Variants in GRIN3B observed in about 807,000 individuals in gnomAD.
GRIN3B encodes the protein glutamate receptor ionotropic, NMDA 3B.
Under a neutral mutation model 66.0 loss-of-function variants are expected in GRIN3B, and 77 were observed. The ratio of observed to expected loss-of-function variants is 1.17; its 90% CI spans 0.97 to 1.41. The LOEUF is 1.41. Ranked by LOEUF, GRIN3B falls within the 40% of genes most tolerant of loss-of-function variation. The pLI, the probability that GRIN3B is intolerant of heterozygous loss-of-function variation, is 0.00. For missense variants in GRIN3B, 1,787 were observed against 1,564.5 expected (o/e 1.14, Z -2.40); for synonymous variants, 823 against 749.7 (o/e 1.10, Z -1.60).
chr19:1,008,937 G>A lies in GRIN3B; in HGVS notation c.2702+10G>A. On this transcript the variant is annotated intron_variant, in intron 8 of 8. Transcript: ENST00000234389. The stretch of plus-strand genomic sequence containing the variant: ...CAGAGGCGGAGCCCAGGTAAGTGGT[G>A]GTCGGGGCGGACCACGATGCAGGAC... The A allele has an allele frequency of 6.3e-7, 1 of 1,599,080 alleles. No homozygotes were observed. Among genetic ancestry groups the A allele is most frequent in the Non-Finnish European group, 8.5e-7 (1 of 1,173,956 alleles).
Position 1,003,489 on chromosome 19 carries a change from A to G in GRIN3B, c.786A>G (p.Thr262=), listed in dbSNP as rs1227281752. Residue 262 remains threonine (T), a synonymous_variant, in exon 2 of 9, where the codon ACA becomes ACG. Transcript: ENST00000234389. ...VPPGPHWLLG[T]PLPPKALPTA... ...CCGGCCCCCACTGGCTGTTGGGGAC[A>G]CCACTGCCGCCCAAGGCCCTGCCCA... 1 of 1,536,966 alleles carries G rather than the reference A, an allele frequency of 6.5e-7. No individual in the cohort carries two copies. Among genetic ancestry groups the G allele is most frequent in the Non-Finnish European group, 8.7e-7 (1 of 1,146,466 alleles).
At position 1,004,966 on chromosome 19, in the gene GRIN3B, G is replaced by A. The variant is rs752584001; in HGVS notation, c.1465G>A (p.Glu489Lys). The A allele has an allele frequency of 2.5e-6, 4 of 1,611,592 alleles. No individual in the cohort carries two copies. Among genetic ancestry groups the A allele is most frequent in the Non-Finnish European group, 3.4e-6 (4 of 1,179,594 alleles). The change falls in exon 3 of 9, where the codon GAG becomes AAG. Residue 489 changes from glutamate (E) to lysine (K), a missense_variant. By Grantham distance (56) the Glu-to-Lys change is moderately conservative. Transcript: ENST00000234389. Reference sequence around the variant, plus strand: ...CATTGACCTGCTGGAGCGGCTGGCGGAGGACACGCCCTTCGACTTCGAGCT... The same window carrying A: ...CATTGACCTGCTGGAGCGGCTGGCGAAGGACACGCCCTTCGACTTCGAGCT... The part of the protein sequence containing the change: ...YCIDLLERLA[E>K]DTPFDFELYL...
rs577021345 is a variant in GRIN3B, at chr19:1,001,837, C to G, written c.426+974C>G. 5.0e-3 allele frequency among the ~76,000 whole-genome samples: 767 copies of G among 152,262 alleles called. 4 individuals are homozygous for G. The highest frequency in any genetic ancestry group is 0.017 in the African/African-American group (717 of 41,560). The stretch of plus-strand genomic sequence containing the variant: ...CCCAAACCCAGGCCTGGGGCGCCCT[C>G]TGCTGCCGTCTCCAGGAGCTGCACC... On this transcript the variant is annotated intron_variant, in intron 1 of 8. Transcript: ENST00000234389.
At chr19:1,003,809 AG>A in intron 2 of GRIN3B, 87 bp downstream of exon 2, 1 of 1,050,342 alleles carries the variant, frequency 9.5e-7, no homozygotes, top group Non-Finnish European at 1.3e-6. Context: ...ACGTGAGGCC[AG>A]ACGCGGTGGC....
Position 1,000,841 on chromosome 19 carries a change from C to A in GRIN3B, c.404C>A (p.Ala135Glu). The change falls in exon 1 of 9, where the codon GCG (alanine) becomes GAG (glutamate). Residue 135 changes from alanine (A) to glutamate (E), a missense_variant. Physicochemically the swap from Ala to Glu is moderately radical, Grantham distance 107. Coordinates refer to ENST00000234389, the MANE Select transcript of GRIN3B (RefSeq NM_138690.3). ...GTGCTCAGCCTGCTGCGGCGGGAGG[C>A]GCGCGCGCCCCTCGGAGCCCCGGTA... is the stretch of plus-strand genomic sequence containing the variant. ...TPVLSLLRRE[A>E]RAPLGAPNPF... 7.0e-7 allele frequency: 1 copy of A among 1,427,690 alleles called. No individual in the cohort carries two copies. The highest frequency in any genetic ancestry group is 9.1e-7 in the Non-Finnish European group (1 of 1,096,228). The allele number at this position is 1,427,690 out of a possible 1,614,324, so 88.4% of individuals were successfully genotyped here. A position where few individuals can be genotyped will look rare whatever the true frequency, so the allele number is the denominator to read the frequency against.
At position 1,008,169 on chromosome 19, in the gene GRIN3B, C is replaced by T. The variant is rs151208360; in HGVS notation, c.2344C>T (p.Pro782Ser). ...TGGGATCGGACTGCCCCAGAACTCG[C>T]CGCTCACCTCCAACCTGTCCGAGTT... ...GYGIGLPQNSPLTSNLSEFIS... is the reference protein window; with the variant it reads ...GYGIGLPQNSSLTSNLSEFIS... The change falls in exon 6 of 9, where the codon CCG (proline) becomes TCG (serine). Residue 782 changes from proline to serine, a missense_variant. Transcript: ENST00000234389. The T allele has an allele frequency of 8.7e-6, 14 of 1,603,996 alleles. No individual in the cohort carries two copies. Among genetic ancestry groups the T allele is most frequent in the African/African-American group, 1.3e-5 (1 of 74,962 alleles).
At position 1,005,093 on chromosome 19, in the gene GRIN3B, G is replaced by A. The variant is rs2038731763; in HGVS notation, c.1592G>A (p.Ser531Asn). Residue 531 changes from serine (S) to asparagine (N), a missense_variant, in exon 3 of 9, where the codon AGC (serine) becomes AAC (asparagine). Ser to Asn is a conservative substitution (Grantham distance 46). Transcript: ENST00000234389. This position sits in a 1 kb window ranked among gnomAD's most constrained non-coding sequence, Gnocchi z 5.2. The stretch of plus-strand genomic sequence containing the variant: ...GGCCGGGCCCACATGGCGGTCACCA[G>A]CTTCAGTATCAACTCCGCCCGCTCA... ...LAGRAHMAVTSFSINSARSQV... is the reference protein window; with the variant it reads ...LAGRAHMAVTNFSINSARSQV... 5.6e-6 allele frequency: 9 copies of A among 1,612,460 alleles called. No individual in the cohort carries two copies. The highest frequency in any genetic ancestry group is 7.6e-6 in the Non-Finnish European group (9 of 1,179,574).
Position 1,008,899 on chromosome 19 carries a change from AAGG to A in GRIN3B, c.2680_2682del (p.Glu894del), listed in dbSNP as rs764532421. On this transcript the variant is annotated inframe_deletion, in exon 8 of 9. Coordinates refer to ENST00000234389, the MANE Select transcript of GRIN3B (RefSeq NM_138690.3). ...CAACACGGAGCCACCAGAGGGGTCGAAGGAGGAGACGGCAGAGGCGGAGCCCAG... is the reference window on the plus strand; with the variant it reads ...CAACACGGAGCCACCAGAGGGGTCGAAGGAGACGGCAGAGGCGGAGCCCAG... The A allele has an allele frequency of 1.9e-5, 31 of 1,610,020 alleles. No individual in the cohort carries two copies. The highest frequency in any genetic ancestry group is 1.3e-4 in the African/African-American group (10 of 74,728).
At chr19:1,002,363 C>CAAA (rs71335327) in intron 1 of GRIN3B, among the ~76,000 whole-genome samples, 27 of 74,678 alleles carry the variant, frequency 3.6e-4, no homozygotes, top group African/African-American at 8.3e-4. Flanking sequence ...ACTAAAAATA[C>CAAA]AAAAAAAAAA....
At chr19:1,003,849 G>A in intron 2 of GRIN3B, 127 bp downstream of exon 2, 1 of 709,708 alleles carries the variant, frequency 1.4e-6, no homozygotes, top group African/African-American at 1.9e-5. Context: ...CACTTCGGAA[G>A]GCCGAGGCGA....
rs771809159 is a variant in GRIN3B, at chr19:1,007,981, A to G, written c.2314+10A>G. 1.9e-6 allele frequency: 3 copies of G among 1,609,984 alleles called. No individual in the cohort carries two copies. ...CCCTTCGCCATTGAGGGTGAGAGGC[A>G]CCTGGGCGAGGCGGGGCGCCGGGGT... On this transcript the variant is annotated intron_variant, in intron 5 of 8. Transcript: ENST00000234389. The surrounding 1 kb of genome is among the most constrained non-coding windows in gnomAD (Gnocchi z 4.4).
Position 1,009,190 on chromosome 19 carries a change from AGC to A in GRIN3B, c.2721_2722del (p.Gln908AlafsTer87). 7.1e-7 allele frequency: 1 copy of A among 1,404,896 alleles called. No homozygotes were observed. Among genetic ancestry groups the A allele is most frequent in the South Asian group, 1.4e-5 (1 of 70,316 alleles). 87.0% of individuals were successfully genotyped at this position (1,404,896 alleles called of 1,614,324 possible). On this transcript the variant is annotated frameshift_variant, in exon 9 of 9. Coordinates refer to ENST00000234389, the MANE Select transcript of GRIN3B (RefSeq NM_138690.3). LOFTEE classifies it low-confidence loss of function (END_TRUNC). ...GTCCCCAGCGGCCCCGAGGTGGAGC[AGC>A]AGCAGCAGCAGCAGGACCAGCCAAC...
At position 1,005,472 on chromosome 19, in the gene GRIN3B, G is replaced by A. The variant is rs766184141; in HGVS notation, c.1971G>A (p.Leu657=). The A allele has an allele frequency of 6.2e-7, 1 of 1,613,410 alleles. No individual in the cohort carries two copies. The highest frequency in any genetic ancestry group is 8.5e-7 in the Non-Finnish European group (1 of 1,179,974). The change falls in exon 3 of 9, where the codon CTG becomes CTA. Residue 657 remains leucine (L), a synonymous_variant. Coordinates refer to ENST00000234389, the MANE Select transcript of GRIN3B (RefSeq NM_138690.3). The surrounding 1 kb of genome is among the most constrained non-coding windows in gnomAD (Gnocchi z 5.2). ...NLWAIFCLLV[L]SSYTANLAAV... The stretch of plus-strand genomic sequence containing the variant: ...GGGCCATCTTCTGCCTGCTGGTGCT[G>A]TCCAGCTACACGGCCAACCTGGCTG...
chr19:1,003,247 C>T lies in GRIN3B; in HGVS notation c.544C>T (p.Gln182Ter). Residue 182 changes from glutamine to a stop codon, truncating the protein, a stop_gained, in exon 2 of 9, where the codon CAG becomes TAG. Transcript: ENST00000234389. LOFTEE classifies it high-confidence loss of function. ...CGTCGGCCTGGCCCTGTGCCGCACT[C>T]AGGACCCCGGCGGCCTGGTGGCCCT... is the stretch of plus-strand genomic sequence containing the variant. Reference protein sequence around the residue: ...EDVGLALCRTQDPGGLVALWT... With the variant: ...EDVGLALCRT The T allele has an allele frequency of 6.3e-7, 1 of 1,576,064 alleles. No homozygotes were observed. The highest frequency in any genetic ancestry group is 8.6e-7 in the Non-Finnish European group (1 of 1,162,570).
Position 1,007,718 on chromosome 19 carries a change from G to A in GRIN3B, c.2143G>A (p.Ala715Thr). The A allele has an allele frequency of 2.6e-6, 4 of 1,533,560 alleles. No individual in the cohort carries two copies. Among genetic ancestry groups the A allele is most frequent in the Non-Finnish European group, 3.5e-6 (4 of 1,141,222 alleles). The allele number at this position is 1,533,560 out of a possible 1,614,324, so 95.0% of individuals were successfully genotyped here. Reference sequence around the variant, plus strand: ...CAAGAAGAGCTTCCCCGACATGCACGCACACATGCGGCGCCACAGCGCGCC... The same window carrying A: ...CAAGAAGAGCTTCCCCGACATGCACACACACATGCGGCGCCACAGCGCGCC... Reference protein sequence around the residue: ...YIKKSFPDMHAHMRRHSAPTT... With the variant: ...YIKKSFPDMHTHMRRHSAPTT... The change falls in exon 4 of 9, where the codon GCA (alanine) becomes ACA (threonine). Residue 715 changes from alanine (A) to threonine (T), a missense_variant. By Grantham distance (58) the Ala-to-Thr change is moderately conservative. Transcript: ENST00000234389. The surrounding 1 kb of genome is among the most constrained non-coding windows in gnomAD (Gnocchi z 4.4).
rs1282992409 is a variant in GRIN3B, at chr19:1,009,343, AG to A, written c.2876del (p.Gly959AlafsTer126). 6 of 1,394,686 alleles carry A rather than the reference AG, an allele frequency of 4.3e-6. No individual in the cohort carries two copies. The East Asian group carries it at 1.8e-4, about 43-fold the overall frequency. The allele number at this position is 1,394,686 out of a possible 1,614,324, so 86.4% of individuals were successfully genotyped here. The stretch of plus-strand genomic sequence containing the variant: ...GCGGAGGCGGAGGCTGCGCCGCGAG[AG>A]GGCCCCGTCTGGCTGTGCTCCTACG... ...ADAEAEAAPREGPVWLCSYGR... is the reference protein window; with the variant it reads ...ADAEAEAAPRXGPVWLCSYGR... On this transcript the variant is annotated frameshift_variant, in exon 9 of 9. Coordinates refer to ENST00000234389, the MANE Select transcript of GRIN3B (RefSeq NM_138690.3). LOFTEE classifies it low-confidence loss of function (END_TRUNC).
rs148406831 is a variant in GRIN3B at position 1,007,867 on chromosome 19, C to T, written c.2210C>T (p.Pro737Leu). The T allele has an allele frequency of 3.0e-5, 48 of 1,610,806 alleles. No homozygotes were observed. The East Asian group carries it at 6.9e-4, about 23-fold the overall frequency. The change falls in exon 5 of 9, where the codon CCC becomes CTC. Residue 737 changes from proline (P) to leucine (L), a missense_variant. Transcript: ENST00000234389. This position sits in a 1 kb window ranked among gnomAD's most constrained non-coding sequence, Gnocchi z 4.4. ...CCCGGCCCCAGCAGGAGCGACCCCC[C>T]CAAGCTCAACGCCTTCATCATGGAC... ...RGVAMLTSDPPKLNAFIMDKS... is the reference protein window; with the variant it reads ...RGVAMLTSDPLKLNAFIMDKS...
In GRIN3B at chr19:1,007,788, G is replaced by C. The variant is rs911420476; in HGVS notation, c.2198+15G>C. ...GCCATGCTCACGTGAGCCCGGGCGC[G>C]GGGTGAGGCGGGGGCGGGGCGTGGG... On this transcript the variant is annotated intron_variant, in intron 4 of 8. Transcript: ENST00000234389. This position sits in a 1 kb window ranked among gnomAD's most constrained non-coding sequence, Gnocchi z 4.4. The C allele has an allele frequency of 1.3e-6, 2 of 1,507,610 alleles. No homozygotes were observed. Among genetic ancestry groups the C allele is most frequent in the Admixed American group, 2.2e-5 (1 of 44,722 alleles). 93.4% of individuals were successfully genotyped at this position (1,507,610 alleles called of 1,614,324 possible).
In GRIN3B at chr19:1,007,684, G is replaced by A. The variant is rs1209629314; in HGVS notation, c.2109G>A (p.Glu703=). ...RFGTVWESSA[E]AYIKKSFPDM... The stretch of plus-strand genomic sequence containing the variant: ...GCACCGTGTGGGAGAGCAGCGCCGA[G>A]GCGTACATCAAGAAGAGCTTCCCCG... Residue 703 remains glutamate, a synonymous_variant, in exon 4 of 9, where the codon GAG becomes GAA. Transcript: ENST00000234389. The surrounding 1 kb of genome is among the most constrained non-coding windows in gnomAD (Gnocchi z 4.4). The A allele has an allele frequency of 1.3e-6, 2 of 1,537,010 alleles. No homozygotes were observed. The highest frequency in any genetic ancestry group is 2.5e-5 in the East Asian group (1 of 40,150).
Sources: allele counts gnomAD v4.1 joint callset (sites outside exome capture counted in the v4.1 genomes callset), GRCh38; gene constraint gnomAD v4.1.1; non-coding constraint Gnocchi (gnomAD v3.1); transcripts MANE v1.5; gene names NCBI Gene and HGNC (gene_info 2026-07-23, HGNC 2026-07-21).